Variants in GRK3 observed in about 807,000 individuals in gnomAD.
The protein encoded by GRK3 is adrenergic, beta, receptor kinase 2.
GRK3 carries 54 observed loss-of-function variants against 95.7 expected under a neutral mutation model. The ratio of observed to expected loss-of-function variants is 0.56; its 90% confidence interval spans 0.45 to 0.71. The LOEUF (loss-of-function observed/expected upper bound fraction) is 0.71. GRK3 is among the 30% of genes least tolerant of loss of function. The pLI is 0.00. For synonymous variants in GRK3, 281 were observed against 290.8 expected (o/e 0.97, Z 0.34); for missense variants, 649 against 851.2 (o/e 0.76, Z 2.96).
chr22:25,650,138 G>A (rs1419331427), intron 3 of GRK3, among the ~76,000 whole-genome samples: 3 of 151,782 alleles, frequency 2.0e-5, no homozygotes, highest in South Asian at 2.1e-4. Flanking sequence ...ATTACAGGTA[G>A]CACCCTGTAA....
chr22:25,612,310 C>T (rs754796339), intron 2 of GRK3, among the ~76,000 whole-genome samples: 8 of 151,904 alleles, frequency 5.3e-5, no homozygotes, highest in Non-Finnish European at 8.8e-5. Context: ...TGTGGATATC[C>T]GATTTTGTGT....
Position 25,722,572 on chromosome 22 carries a change from C to T in GRK3, c.*122C>T, listed in dbSNP as rs543842133. 4.8e-5 allele frequency: 47 copies of T among 988,804 alleles called. No individual in the cohort carries two copies. The African/African-American group carries it at 5.7e-4, about 12-fold the overall frequency. The allele number at this position is 988,804 out of a possible 1,614,324, so 61.3% of individuals were successfully genotyped here. On this transcript the variant is annotated 3_prime_UTR_variant, in exon 21 of 21. Coordinates refer to ENST00000324198, the MANE Select transcript of GRK3 (RefSeq NM_005160.4). ...ACTCCTCCAGGCTCCCGAGAGGAGTCGGGACCCTTCGGCTTGGGGTCAGCT... is the reference window on the plus strand; with the variant it reads ...ACTCCTCCAGGCTCCCGAGAGGAGTTGGGACCCTTCGGCTTGGGGTCAGCT...
intron 9 of GRK3, among the ~76,000 whole-genome samples, chr22:25,681,662 A>G (rs1174446801): frequency 6.6e-6 from 1 of 152,226 alleles, no homozygotes; most frequent in African/African-American, 2.4e-5. Flanking sequence ...GCAGTTCACA[A>G]AGATTGCTCC....
chr22:25,594,872 C>G lies in GRK3; in HGVS notation c.114-9505C>G, dbSNP rs1323627074. The stretch of plus-strand genomic sequence containing the variant: ...CCAGCCTGGGCAACAGAGCGAAACT[C>G]CATCTCAAAAATAAATAAATAAATA... On this transcript the variant is annotated intron_variant, in intron 1 of 20. Coordinates refer to ENST00000324198, the MANE Select transcript of GRK3 (RefSeq NM_005160.4). 2.6e-5 allele frequency among the ~76,000 whole-genome samples: 4 copies of G among 151,850 alleles called. No homozygotes were observed. In the East Asian group the frequency reaches 7.7e-4, roughly 29 times the overall value.
chr22:25,691,837 G>A (rs552934961), intron 12 of GRK3, among the ~76,000 whole-genome samples: 38 of 152,264 alleles, frequency 2.5e-4, no homozygotes, highest in African/African-American at 8.9e-4. Context: ...CTGTTCTTTT[G>A]CCTGCTCTGG....
At chr22:25,639,814 A>G (rs574033973) in intron 2 of GRK3, among the ~76,000 whole-genome samples, 3 of 152,282 alleles carry the variant, frequency 2.0e-5, no homozygotes, top group Admixed American at 6.5e-5. Context: ...ATGTATTTCC[A>G]TTTATTTAGA....
chr22:25,634,287 T>A (rs535183038), intron 2 of GRK3, among the ~76,000 whole-genome samples: 3 of 152,318 alleles, frequency 2.0e-5, no homozygotes, highest in African/African-American at 4.8e-5. Context: ...GGTTTAGAGA[T>A]CCTGGTTTAG....
Position 25,729,114 on chromosome 22 carries a change from A to G in GRK3, c.*6664A>G, listed in dbSNP as rs1179225756. 2.6e-5 allele frequency: 4 copies of G among 152,160 alleles called. No individual in the cohort carries two copies. The highest frequency in any genetic ancestry group is 9.7e-5 in the African/African-American group (4 of 41,432). 9.4% of individuals were successfully genotyped at this position (152,160 alleles called of 1,614,324 possible). ...AATCCCTTCTCAGTATACACTCACT[A>G]GTGCACGTCTGAAATAGTATCCCAC... On this transcript the variant is annotated 3_prime_UTR_variant, in exon 21 of 21. Coordinates refer to ENST00000324198, the MANE Select transcript of GRK3 (RefSeq NM_005160.4).
At chr22:25,584,048 A>T (rs1386799858) in intron 1 of GRK3, among the ~76,000 whole-genome samples, 1 of 152,264 alleles carries the variant, frequency 6.6e-6, no homozygotes, top group Non-Finnish European at 1.5e-5. Context: ...TGCAAATATG[A>T]AACTAGAATC....
At position 25,648,461 on chromosome 22, in the gene GRK3, A is replaced by G. The variant is rs138465657; in HGVS notation, c.264+3796A>G. 9.8e-4 allele frequency: 1,296 copies of G among 1,327,470 alleles called. 1 individual carries two copies. Among genetic ancestry groups the G allele is most frequent in the Admixed American group, 1.2e-3 (74 of 59,342 alleles). The allele number at this position is 1,327,470 out of a possible 1,614,324, so 82.2% of individuals were successfully genotyped here. ...GACTAGAGGTTAAACTAGGACAAGG[A>G]TGTTTTGGCAAAGTGTGGATGGGAA... is the stretch of plus-strand genomic sequence containing the variant. On this transcript the variant is annotated intron_variant, in intron 3 of 20. Coordinates refer to ENST00000324198, the MANE Select transcript of GRK3 (RefSeq NM_005160.4).
At chr22:25,634,940 T>A (rs1249623667) in intron 2 of GRK3, among the ~76,000 whole-genome samples, 1 of 152,242 alleles carries the variant, frequency 6.6e-6, no homozygotes, top group Non-Finnish European at 1.5e-5. Flanking sequence ...ATATGCATTT[T>A]AAAATTATAT....
chr22:25,700,796 G>A (rs903900677), intron 13 of GRK3, among the ~76,000 whole-genome samples: 2 of 152,058 alleles, frequency 1.3e-5, no homozygotes, highest in South Asian at 2.1e-4. Context: ...CTTGTTAGCC[G>A]GGATGGTCTT....
chr22:25,651,753 A>G (rs182354071), intron 3 of GRK3, among the ~76,000 whole-genome samples: 5 of 152,368 alleles, frequency 3.3e-5, no homozygotes, highest in African/African-American at 1.2e-4. Flanking sequence ...ACAATTGTAT[A>G]GTAGGGATAA....
chr22:25,637,605 G>A (rs1184961010), intron 2 of GRK3, among the ~76,000 whole-genome samples: 2 of 152,194 alleles, frequency 1.3e-5, no homozygotes, highest in Non-Finnish European at 2.9e-5. Context: ...ATCTAATAGA[G>A]GAATCACTGC....
At chr22:25,646,648 A>G (rs2084784560) in intron 3 of GRK3, among the ~76,000 whole-genome samples, 1 of 152,240 alleles carries the variant, frequency 6.6e-6, no homozygotes, top group Non-Finnish European at 1.5e-5. Context: ...TAAAATAGCC[A>G]TGGTGAGCAG....
intron 1 of GRK3, among the ~76,000 whole-genome samples, chr22:25,598,411 G>T (rs1425736463): frequency 6.6e-6 from 1 of 152,086 alleles, no homozygotes; most frequent in African/African-American, 2.4e-5. Flanking sequence ...GGTGGCTCAC[G>T]CCTGTATCCC....
At position 25,687,619 on chromosome 22, in the gene GRK3, G is replaced by A. The variant is rs537636107; in HGVS notation, c.909G>A (p.Leu303=). ...GGTTTTATGCCACTGAAATCATTCT[G>A]GGTCTGGAACACATGCACAATCGGT... ...EMRFYATEII[L]GLEHMHNRFV... The change falls in exon 11 of 21, where the codon CTG becomes CTA. Residue 303 remains leucine, a synonymous_variant. Coordinates refer to ENST00000324198, the MANE Select transcript of GRK3 (RefSeq NM_005160.4). 2.0e-5 allele frequency: 33 copies of A among 1,614,118 alleles called. No individual in the cohort carries two copies. In the African/African-American group the frequency reaches 2.4e-4, roughly 12 times the overall value.
chr22:25,586,664 G>A (rs1414497103), intron 1 of GRK3, among the ~76,000 whole-genome samples: 4 of 152,280 alleles, frequency 2.6e-5, no homozygotes, highest in African/African-American at 7.2e-5. Context: ...CTGGGTCATG[G>A]AGGATGAGTA....
At chr22:25,574,615 C>T (rs551066423) in intron 1 of GRK3, among the ~76,000 whole-genome samples, 1 of 152,308 alleles carries the variant, frequency 6.6e-6, no homozygotes, top group African/African-American at 2.4e-5. Flanking sequence ...ATTTTGGAAA[C>T]ATCTTTTTTA....
Sources: allele counts gnomAD v4.1 joint callset (sites outside exome capture counted in the v4.1 genomes callset), GRCh38; gene constraint gnomAD v4.1.1; transcripts MANE v1.5; gene names NCBI Gene and HGNC (gene_info 2026-07-23, HGNC 2026-07-21).